The following BICC1 variants were observed in gnomAD, a reference collection of about 807,000 sequenced individuals.
The protein encoded by BICC1 is protein bicaudal C homolog 1.
Under a neutral mutation model 111.0 loss-of-function variants are expected in BICC1, and 43 were observed. The ratio of observed to expected loss-of-function variants is 0.39; its 90% CI spans 0.30 to 0.50. The LOEUF is 0.50. Among genes scored for constraint, BICC1 ranks in the 20% least tolerant of loss-of-function variants. The pLI is 0.88. For missense variants in BICC1, 1,091 were observed against 1,203.2 expected, an observed-to-expected ratio of 0.91 and a Z score of 1.38; for synonymous variants, 467 against 434.4, an observed-to-expected ratio of 1.07 and a Z score of -0.93.
At chr10:58,818,094 G>T (rs889908553) in intron 19 of BICC1, among the ~76,000 whole-genome samples, 2 of 152,168 alleles carry the variant, frequency 1.3e-5, no homozygotes, top group East Asian at 3.9e-4. Flanking sequence ...TTTATTTGTG[G>T]CACTTAAAAG....
chr10:58,569,041 G>A (rs980198450), intron 1 of BICC1, among the ~76,000 whole-genome samples: 3 of 152,110 alleles, frequency 2.0e-5, no homozygotes, highest in Non-Finnish European at 2.9e-5. Context: ...TTTTCAGCTT[G>A]GGCCCTTTTA....
chr10:58,828,734 C>A, intron 20 of BICC1, 27 bp from the exon 21 acceptor site: 2 of 1,609,910 alleles, frequency 1.2e-6, no homozygotes, highest in Non-Finnish European at 1.7e-6. Context: ...TCTTGAGCTC[C>A]TAACAATTCT....
chr10:58,673,333 T>C (rs762262930), intron 2 of BICC1, among the ~76,000 whole-genome samples: 8 of 152,178 alleles, frequency 5.3e-5, no homozygotes, highest in Admixed American at 3.3e-4. Flanking sequence ...AGGAATCAGT[T>C]CCAATATTTA....
chr10:58,763,728 TTGGACC>T (rs1198866708), intron 3 of BICC1, among the ~76,000 whole-genome samples: 57 of 152,072 alleles, frequency 3.7e-4, no homozygotes, highest in African/African-American at 1.3e-3. Flanking sequence ...GTAATGAATT[TTGGACC>T]TGGCACGTTG....
chr10:58,709,124 AC>A, intron 3 of BICC1, among the ~76,000 whole-genome samples: 1 of 152,190 alleles, frequency 6.6e-6, no homozygotes, highest in Non-Finnish European at 1.5e-5. Flanking sequence ...AACTGTAGTC[AC>A]CCTACAGTGC....
chr10:58,760,845 TAGA>T (rs1347247827), intron 3 of BICC1, among the ~76,000 whole-genome samples: 1 of 152,192 alleles, frequency 6.6e-6, no homozygotes, highest in Non-Finnish European at 1.5e-5. Flanking sequence ...GTATTGTCTA[TAGA>T]AAAGACTTAC....
chr10:58,675,904 G>A (rs927869560), intron 2 of BICC1, among the ~76,000 whole-genome samples: 2 of 152,330 alleles, frequency 1.3e-5, no homozygotes, highest in African/African-American at 4.8e-5. Context: ...CGCAGAAGGC[G>A]GGTGATTTCT....
chr10:58,814,631 A>C (rs924166251), intron 18 of BICC1, among the ~76,000 whole-genome samples: 1 of 151,562 alleles, frequency 6.6e-6, no homozygotes, highest in African/African-American at 2.4e-5. Flanking sequence ...AAAAAAAAAA[A>C]AAAAAAACAA....
intron 1 of BICC1, among the ~76,000 whole-genome samples, chr10:58,576,559 G>T (rs1399964792): frequency 1.3e-5 from 2 of 152,152 alleles, no homozygotes; most frequent in Non-Finnish European, 2.9e-5. Flanking sequence ...TGGAATTTTA[G>T]CTGTCTTACT....
chr10:58,652,973 C>A (rs1051729697), intron 2 of BICC1, among the ~76,000 whole-genome samples: 10 of 152,054 alleles, frequency 6.6e-5, no homozygotes, highest in Admixed American at 4.6e-4. Context: ...TTCCTTGATA[C>A]CATGTTATAT....
intron 2 of BICC1, among the ~76,000 whole-genome samples, chr10:58,661,978 T>A (rs7101281): frequency 0.68 from 103,492 of 152,074 alleles, 39,284 homozygotes; most frequent in East Asian, 0.88. Flanking sequence ...TTTTGGAATT[T>A]AAAAATTGTT....
chr10:58,562,606 C>T (rs1405123071), intron 1 of BICC1, among the ~76,000 whole-genome samples: 1 of 151,980 alleles, frequency 6.6e-6, no homozygotes, highest in East Asian at 1.9e-4. Context: ...TTTTCAGGCA[C>T]TTTATAAATT....
intron 2 of BICC1, among the ~76,000 whole-genome samples, chr10:58,693,843 T>C (rs1478303046): frequency 6.6e-6 from 1 of 152,212 alleles, no homozygotes; most frequent in African/African-American, 2.4e-5. Context: ...TTTCTTTTGC[T>C]GTGCAGAAGC....
chr10:58,627,986 T>G (rs570899205), intron 2 of BICC1, among the ~76,000 whole-genome samples: 1 of 152,272 alleles, frequency 6.6e-6, no homozygotes, highest in East Asian at 1.9e-4. Flanking sequence ...CATGTTGAAA[T>G]TGGTTACTAG....
intron 1 of BICC1, among the ~76,000 whole-genome samples, chr10:58,601,861 C>G (rs1845052824): frequency 6.6e-6 from 1 of 151,866 alleles, no homozygotes; most frequent in African/African-American, 2.4e-5. Context: ...AATTGAAGAT[C>G]AAAAATTTAT....
chr10:58,687,242 T>G (rs1216483956), intron 2 of BICC1, among the ~76,000 whole-genome samples: 1 of 152,176 alleles, frequency 6.6e-6, no homozygotes, highest in African/African-American at 2.4e-5. Flanking sequence ...AAGTTTTGTC[T>G]CAGAGGGGCA....
At chr10:58,703,001 A>C (rs1000117860) in intron 3 of BICC1, among the ~76,000 whole-genome samples, 1 of 152,100 alleles carries the variant, frequency 6.6e-6, no homozygotes, top group African/African-American at 2.4e-5. Flanking sequence ...ACACTGTAAG[A>C]TTTCTCAGTT....
At chr10:58,526,725 C>T (rs1012564313) in intron 1 of BICC1, among the ~76,000 whole-genome samples, 6 of 152,062 alleles carry the variant, frequency 3.9e-5, no homozygotes, top group Non-Finnish European at 7.4e-5. Context: ...GATGGTTTCC[C>T]GCTTCATCCA....
intron 1 of BICC1, among the ~76,000 whole-genome samples, chr10:58,612,369 G>C (rs189723754): frequency 6.6e-6 from 1 of 152,104 alleles, no homozygotes; most frequent in African/African-American, 2.4e-5. Context: ...AATTGGCTGG[G>C]TTGTCAGGGA....
Sources: allele counts gnomAD v4.1 joint callset (sites outside exome capture counted in the v4.1 genomes callset), GRCh38; gene constraint gnomAD v4.1.1; transcripts MANE v1.5; gene names NCBI Gene and HGNC (gene_info 2026-07-23, HGNC 2026-07-21).